Variants in PVT1 observed in about 807,000 individuals in gnomAD.
The protein encoded by PVT1 is Pvt1 oncogene.
At chr8:128,043,707 G>GT (rs549083358) in intron 4 of PVT1, among the ~76,000 whole-genome samples, 14 of 151,462 alleles carry the variant, frequency 9.2e-5, no homozygotes, top group African/African-American at 3.2e-4. Flanking sequence ...TTGTGTGTCC[G>GT]TATGTGTGTG....
intron 2 of PVT1, among the ~76,000 whole-genome samples, chr8:127,871,469 T>G (rs955257762): frequency 1.3e-5 from 2 of 152,066 alleles, no homozygotes; most frequent in African/African-American, 4.8e-5. Flanking sequence ...CTTTGCAAAT[T>G]TTGCTGCTGA....
chr8:127,864,522 G>T (rs1013507760), intron 2 of PVT1, among the ~76,000 whole-genome samples: 1 of 151,988 alleles, frequency 6.6e-6, no homozygotes, highest in South Asian at 2.1e-4. Flanking sequence ...CTTTTCACAC[G>T]GACATGTGTT....
rs574572738 is a variant in PVT1 at position 128,040,351 on chromosome 8, C to T, written n.913-29809C>T. Among the ~76,000 whole-genome samples the T allele has an allele frequency of 5.1e-4, 78 of 152,310 alleles. 1 individual carries two copies. In the South Asian group the frequency reaches 0.015, roughly 29 times the overall value. On this transcript the variant is annotated intron_variant and non_coding_transcript_variant, in intron 4 of 10. Transcript: ENST00000651587. ...CCCCACATTGCCTTTGGACTCAAGC[C>T]GCAGTATCAGCTCTTCCTAGGGGCT...
At chr8:128,100,801 C>T (rs1464999211) in intron 6 of PVT1, among the ~76,000 whole-genome samples, 5 of 152,086 alleles carry the variant, frequency 3.3e-5, no homozygotes, top group Non-Finnish European at 7.4e-5. Context: ...TAGGCCTTGC[C>T]CAAAACTCAG....
At chr8:127,990,355 A>T (rs925853631) in intron 4 of PVT1, among the ~76,000 whole-genome samples, 2 of 152,236 alleles carry the variant, frequency 1.3e-5, no homozygotes, top group Non-Finnish European at 2.9e-5. Context: ...ACATCACAGG[A>T]TCTGGCATAG....
At chr8:128,058,806 A>G (rs1216921551) in intron 4 of PVT1, among the ~76,000 whole-genome samples, 1 of 152,148 alleles carries the variant, frequency 6.6e-6, no homozygotes. Flanking sequence ...CACCCCCAGC[A>G]TGACAGACGA....
chr8:127,875,793 G>C (rs999277247), intron 2 of PVT1, among the ~76,000 whole-genome samples: 1 of 152,232 alleles, frequency 6.6e-6, no homozygotes, highest in African/African-American at 2.4e-5. Flanking sequence ...GGGAGACCCT[G>C]AGTGTTTGGA....
intron 3 of PVT1, among the ~76,000 whole-genome samples, chr8:127,980,828 C>T (rs1349760345): frequency 3.5e-5 from 5 of 143,276 alleles, no homozygotes; most frequent in Admixed American, 1.4e-4. Flanking sequence ...GACAGAGTCT[C>T]GCTCTGTTGC....
chr8:128,092,554 C>A (rs1405448857), intron 5 of PVT1, among the ~76,000 whole-genome samples: 4 of 152,204 alleles, frequency 2.6e-5, no homozygotes, highest in Non-Finnish European at 5.9e-5. Flanking sequence ...GTTCCGGAAC[C>A]GGTAGGGGCT....
chr8:128,008,839 A>G (rs1817278824), intron 4 of PVT1: 1 of 460,204 alleles, frequency 2.2e-6, no homozygotes, highest in East Asian at 5.7e-5. Flanking sequence ...CCTGAAAAAC[A>G]CAGCCAGGTC....
chr8:127,991,140 C>CTTTTTTTTTTTT (rs35494368), intron 4 of PVT1, among the ~76,000 whole-genome samples: 1 of 73,100 alleles, frequency 1.4e-5, no homozygotes, highest in Non-Finnish European at 2.8e-5. Flanking sequence ...TCTTTTCTTT[C>CTTTTTTTTTTTT]TTTTTTTTTT....
chr8:127,873,454 G>A (rs1327109632), intron 2 of PVT1, among the ~76,000 whole-genome samples: 1 of 152,112 alleles, frequency 6.6e-6, no homozygotes, highest in Admixed American at 6.5e-5. Context: ...AATCATCATG[G>A]CTAGCTTTCA....
intron 2 of PVT1, among the ~76,000 whole-genome samples, chr8:127,833,399 C>G (rs1448532143): frequency 1.3e-5 from 2 of 152,140 alleles, no homozygotes; most frequent in Non-Finnish European, 2.9e-5. Context: ...TCGCCCGGTC[C>G]TAGCCGGGGT....
At chr8:127,827,906 T>G (rs1008968030) in intron 2 of PVT1, among the ~76,000 whole-genome samples, 1 of 152,106 alleles carries the variant, frequency 6.6e-6, no homozygotes, top group Non-Finnish European at 1.5e-5. Context: ...CGTTGTAACA[T>G]CTGGTGAGCC....
At chr8:127,816,020 A>G (rs1814655488) in intron 2 of PVT1, among the ~76,000 whole-genome samples, 1 of 152,152 alleles carries the variant, frequency 6.6e-6, no homozygotes, top group Non-Finnish European at 1.5e-5. Flanking sequence ...GCTACTCAGC[A>G]GGCTGAGGGA....
intron 3 of PVT1, among the ~76,000 whole-genome samples, chr8:127,914,944 G>A (rs1001317186): frequency 6.6e-6 from 1 of 151,414 alleles, no homozygotes; most frequent in Admixed American, 6.6e-5. Flanking sequence ...TCCTGCCTCA[G>A]CCTCCTGAGC....
At chr8:127,934,784 A>T (rs2129894663) in intron 3 of PVT1, among the ~76,000 whole-genome samples, 1 of 152,242 alleles carries the variant, frequency 6.6e-6, no homozygotes, top group East Asian at 1.9e-4. Flanking sequence ...GCTTTGACTT[A>T]TCAATGGTTT....
chr8:127,925,366 G>T (rs930848074), intron 3 of PVT1, among the ~76,000 whole-genome samples: 4 of 152,132 alleles, frequency 2.6e-5, no homozygotes, highest in Non-Finnish European at 5.9e-5. Flanking sequence ...AAAAAATCTA[G>T]TTGAAAAATC....
intron 5 of PVT1, among the ~76,000 whole-genome samples, chr8:128,076,249 T>C (rs986218482): frequency 3.3e-5 from 5 of 152,138 alleles, no homozygotes; most frequent in African/African-American, 7.2e-5. Context: ...AGCCTGAAGC[T>C]CTTTAGACTG....
Sources: allele counts gnomAD v4.1 joint callset (sites outside exome capture counted in the v4.1 genomes callset), GRCh38; gene constraint gnomAD v4.1.1; transcripts MANE v1.5; gene names NCBI Gene and HGNC (gene_info 2026-07-23, HGNC 2026-07-21).